LTF: variants seen among roughly 807,000 people sequenced by gnomAD.
The protein encoded by LTF is epididymis luminal protein 110.
A neutral mutation model predicts 87.2 loss-of-function variants in LTF; 91 were observed. The ratio of observed to expected loss-of-function variants is 1.04; its 90% CI spans 0.88 to 1.24. LTF has a LOEUF of 1.24. LTF is among the 50% of genes most tolerant of loss of function. LTF has a pLI of 0.00. For synonymous variants in LTF, 378 were observed against 356.1 expected (o/e 1.06, Z -0.69); for missense variants, 901 against 904.3 (o/e 1.00, Z 0.05).
intron 1 of LTF, among the ~76,000 whole-genome samples, chr3:46,470,934 T>A (rs1703274220): frequency 1.3e-5 from 2 of 152,208 alleles, no homozygotes; most frequent in African/African-American, 4.8e-5. Flanking sequence ...AAGCTGTCAT[T>A]GATATTTGCA....
intron 9 of LTF, among the ~76,000 whole-genome samples, chr3:46,448,573 G>A (rs565052363): frequency 6.6e-6 from 1 of 152,262 alleles, no homozygotes; most frequent in East Asian, 1.9e-4. Flanking sequence ...TGAGATCACA[G>A]GTGGTTTGGG....
intron 1 of LTF, among the ~76,000 whole-genome samples, chr3:46,478,631 G>A (rs73067772): frequency 1.7e-3 from 262 of 152,280 alleles, no homozygotes; most frequent in Middle Eastern, 3.4e-3. Context: ...GACAGAAGAG[G>A]GTAGGGCAGA....
chr3:46,446,374 C>A, intron 11 of LTF, 66 bp downstream of exon 11: 1 of 1,363,540 alleles, frequency 7.3e-7, no homozygotes, highest in Non-Finnish European at 1.0e-6. Flanking sequence ...TTTACAGTTC[C>A]TGCCACTTCC....
At chr3:46,461,724 G>A (rs13070740) in intron 1 of LTF, among the ~76,000 whole-genome samples, 9,084 of 151,966 alleles carry the variant, frequency 0.06, 395 homozygotes, top group South Asian at 0.13. Context: ...TTGCACACTC[G>A]GTAAGGTTAC....
chr3:46,464,191 G>A (rs1171561333), intron 1 of LTF, among the ~76,000 whole-genome samples: 2 of 152,136 alleles, frequency 1.3e-5, no homozygotes, highest in African/African-American at 4.8e-5. Flanking sequence ...CTTTGGTTAT[G>A]GAACTGACAA....
intron 1 of LTF, chr3:46,463,493 C>T (rs942468406): frequency 2.9e-5 from 29 of 985,548 alleles, no homozygotes; most frequent in Non-Finnish European, 3.5e-5. Flanking sequence ...AGGAATTCCA[C>T]AGGGCAACTG....
chr3:46,484,664 G>C (rs1703494039), intron 1 of LTF, among the ~76,000 whole-genome samples: 1 of 152,180 alleles, frequency 6.6e-6, no homozygotes, highest in African/African-American at 2.4e-5. Context: ...ATCAAAATTA[G>C]CTAAACTTGA....
Position 46,448,321 on chromosome 3 carries a change from C to G in LTF, c.1212+542G>C, listed in dbSNP as rs553386009. On this transcript the variant is annotated intron_variant, in intron 9 of 16. Transcript: ENST00000231751. The stretch of plus-strand genomic sequence containing the variant: ...GTTCCAGGCTGCAGTGAGATGTGGT[C>G]GCACCACTGCACTCCAGCCTGGGTG... 5.3e-5 allele frequency among the ~76,000 whole-genome samples: 8 copies of G among 151,612 alleles called. No homozygotes were observed. In the South Asian group the frequency reaches 1.7e-3, roughly 32 times the overall value.
At chr3:46,478,517 G>A (rs893979115) in intron 1 of LTF, among the ~76,000 whole-genome samples, 1 of 152,202 alleles carries the variant, frequency 6.6e-6, no homozygotes, top group Non-Finnish European at 1.5e-5. Context: ...GGTGAGGCCA[G>A]GTCCACCCCG....
Position 46,442,498 on chromosome 3 carries a change from G to GA in LTF, c.1655+942dup, listed in dbSNP as rs533327223. ...TGAACTAATACCTTGCTGCAGGTCT[G>GA]AAAAAAAAAAAAAGAGGAGCACATG... On this transcript the variant is annotated intron_variant, in intron 13 of 16. Transcript: ENST00000231751. 3.2e-3 allele frequency among the ~76,000 whole-genome samples: 444 copies of GA among 137,524 alleles called. 1 individual carries two copies. Among genetic ancestry groups the GA allele is most frequent in the East Asian group, 6.0e-3 (29 of 4,804 alleles). 90.2% of individuals were successfully genotyped at this position (137,524 alleles called of 152,430 possible). A position where few individuals can be genotyped will look rare whatever the true frequency, so the allele number is the denominator to read the frequency against.
At chr3:46,442,777 T>C (rs747573057) in intron 13 of LTF, among the ~76,000 whole-genome samples, 6 of 152,080 alleles carry the variant, frequency 3.9e-5, no homozygotes, top group African/African-American at 4.8e-5. Context: ...GGTCGTGAAA[T>C]GTACTCTTGG....
rs529043279 is a variant in LTF at position 46,450,958 on chromosome 3, C to T, written c.704-285G>A. ...GCAGGCCAGAGAGGCCAAACCAGAC[C>T]CGTCTGTTTCTGCGGCATCTCTGCC... On this transcript the variant is annotated intron_variant, in intron 6 of 16. Coordinates refer to ENST00000231751, the MANE Select transcript of LTF (RefSeq NM_002343.6). 1.1e-3 allele frequency among the ~76,000 whole-genome samples: 173 copies of T among 152,274 alleles called. 3 individuals carry two copies. Among genetic ancestry groups the T allele is most frequent in the South Asian group, 5.4e-3 (26 of 4,826 alleles).
intron 14 of LTF, among the ~76,000 whole-genome samples, chr3:46,441,176 A>AGT (rs35012752): frequency 0.5 from 72,497 of 144,978 alleles, 17,482 homozygotes; most frequent in East Asian, 0.6. Flanking sequence ...TGTGAGAGTG[A>AGT]GTGTGTGTGT....
intron 1 of LTF, chr3:46,463,744 G>GT: frequency 1.4e-6 from 1 of 706,282 alleles, no homozygotes; most frequent in Non-Finnish European, 1.7e-6. Context: ...CCCTAACCCT[G>GT]TGCAACAGGC....
At chr3:46,447,510 GAA>G (rs1702685749) in intron 9 of LTF, 112 bp from the exon 10 acceptor site, 1 of 766,820 alleles carries the variant, frequency 1.3e-6, no homozygotes, top group Non-Finnish European at 2.3e-6. Flanking sequence ...TGAAACAGCA[GAA>G]AGAGATGGAC....
chr3:46,444,514 G>T (rs1053532357), intron 12 of LTF, among the ~76,000 whole-genome samples: 6 of 152,256 alleles, frequency 3.9e-5, no homozygotes, highest in African/African-American at 1.4e-4. Context: ...GCTGCTGGAA[G>T]AGCCACACTA....
rs757555676 is a variant in LTF, at chr3:46,456,367, C to A, written c.239G>T (p.Gly80Val). Residue 80 changes from glycine (G) to valine (V), a missense_variant, in exon 3 of 17, where the codon GGT (glycine) becomes GTT (valine). Gly to Val is a moderately radical substitution (Grantham distance 109, BLOSUM62 -3). Coordinates refer to ENST00000231751, the MANE Select transcript of LTF (RefSeq NM_002343.6). Reference protein sequence around the residue: ...ENRADAVTLDGGFIYEAGLAP... With the variant: ...ENRADAVTLDVGFIYEAGLAP... The stretch of plus-strand genomic sequence containing the variant: ...CAGGCCTGCCTCGTATATGAAACCA[C>A]CATCAAGGGTCACAGCATCGGCCCT... 1.9e-6 allele frequency: 3 copies of A among 1,614,204 alleles called. No homozygotes were observed. The South Asian group carries it at 3.3e-5, about 18-fold the overall frequency.
chr3:46,476,857 A>T (rs1285861251), intron 1 of LTF, among the ~76,000 whole-genome samples: 1 of 152,264 alleles, frequency 6.6e-6, no homozygotes, highest in Admixed American at 6.5e-5. Context: ...ATGTTGTTCC[A>T]TAAAGAAATA....
intron 6 of LTF, among the ~76,000 whole-genome samples, chr3:46,450,932 G>C (rs1191356587): frequency 6.6e-6 from 1 of 152,190 alleles, no homozygotes; most frequent in Non-Finnish European, 1.5e-5. Flanking sequence ...GCTGCTGCCT[G>C]GCAGGCCAGA....
Sources: allele counts gnomAD v4.1 joint callset (sites outside exome capture counted in the v4.1 genomes callset), GRCh38; gene constraint gnomAD v4.1.1; transcripts MANE v1.5; gene names NCBI Gene and HGNC (gene_info 2026-07-23, HGNC 2026-07-21).